ZC3H4: variants seen among roughly 807,000 people sequenced by gnomAD.
ZC3H4 encodes the protein zinc finger CCCH-type containing 4.
Under a neutral mutation model 108.3 loss-of-function variants are expected in ZC3H4, and 13 were observed. The observed-to-expected ratio is 0.12, with a 90% CI of 0.08 to 0.19. The LOEUF is 0.19. ZC3H4 is among the 10% of genes least tolerant of loss of function. The pLI, the probability that ZC3H4 is intolerant of heterozygous loss-of-function variation, is 1.00. For synonymous variants in ZC3H4, 917 were observed against 749.6 expected, an observed-to-expected ratio of 1.22 and a Z score of -3.65; for missense variants, 1,734 against 1,838.8, an observed-to-expected ratio of 0.94 and a Z score of 1.04.
Position 47,067,302 on chromosome 19 carries a change from A to G in ZC3H4, c.2966T>C (p.Ile989Thr). ...WNPEDLIPLP[I>T]PKQDAVPPVP... ...GGGGGGCACTGCGTCCTGCTTGGGG[A>G]TGGGTAGGGGGATCAGGTCCTCGGG... is the stretch of plus-strand genomic sequence containing the variant. Residue 989 changes from isoleucine (I) to threonine (T), a missense_variant, in exon 15 of 15, where the codon ATC (isoleucine) becomes ACC (threonine). Coordinates refer to ENST00000253048, the MANE Select transcript of ZC3H4 (RefSeq NM_015168.2). This position sits in a 1 kb window ranked among gnomAD's most constrained non-coding sequence, Gnocchi z 6.4. 1 of 1,590,636 alleles carries G rather than the reference A, an allele frequency of 6.3e-7. No individual in the cohort carries two copies. Among genetic ancestry groups the G allele is most frequent in the Middle Eastern group, 1.7e-4 (1 of 5,956 alleles).
intron 11 of ZC3H4, among the ~76,000 whole-genome samples, chr19:47,077,389 A>T (rs1266418976): frequency 2.6e-5 from 4 of 151,820 alleles, no homozygotes; most frequent in Non-Finnish European, 4.4e-5. Flanking sequence ...AATCACTTGA[A>T]CCCAGGAGGC....
chr19:47,073,756 T>C (rs1279302950), intron 11 of ZC3H4, among the ~76,000 whole-genome samples: 1 of 152,220 alleles, frequency 6.6e-6, no homozygotes, highest in Non-Finnish European at 1.5e-5. Flanking sequence ...GCTTTCCGTC[T>C]CTGCGGACCT....
chr19:47,097,448 C>A (rs2057840429), intron 2 of ZC3H4, among the ~76,000 whole-genome samples: 1 of 152,222 alleles, frequency 6.6e-6, no homozygotes, highest in Non-Finnish European at 1.5e-5. Context: ...AACTTCTGTC[C>A]ACAGTCACCT....
intron 2 of ZC3H4, among the ~76,000 whole-genome samples, chr19:47,108,372 G>A (rs1221321536): frequency 6.6e-6 from 1 of 152,128 alleles, no homozygotes; most frequent in Non-Finnish European, 1.5e-5. Context: ...ATTTTCACCA[G>A]AGGTATTTAC....
intron 5 of ZC3H4, among the ~76,000 whole-genome samples, chr19:47,087,437 T>TAA (rs34358015): frequency 2.8e-4 from 42 of 148,620 alleles, no homozygotes; most frequent in Middle Eastern, 3.4e-3. Context: ...TTTCTTCACT[T>TAA]AAAAAAAAAA....
chr19:47,088,546 C>CA (rs200397969), intron 5 of ZC3H4, among the ~76,000 whole-genome samples: 2,841 of 141,238 alleles, frequency 0.02, 35 homozygotes, highest in Non-Finnish European at 0.031. Context: ...AACTCTGTCT[C>CA]AAAAAAAAAA....
At chr19:47,096,740 A>C in intron 2 of ZC3H4, 1 of 921,040 alleles carries the variant, frequency 1.1e-6, no homozygotes. Context: ...GCTGAGAGGG[A>C]CATGATCACC....
intron 10 of ZC3H4, 104 bp downstream of exon 10, chr19:47,082,080 C>A: frequency 2.0e-6 from 2 of 1,005,716 alleles, no homozygotes; most frequent in Non-Finnish European, 1.6e-6. Flanking sequence ...GCTCTTGGCA[C>A]AGAGAGAAAG....
In ZC3H4 at chr19:47,067,051, C is replaced by T; in HGVS notation, c.3217G>A (p.Val1073Met). The T allele has an allele frequency of 6.2e-7, 1 of 1,607,184 alleles. No individual in the cohort carries two copies. The highest frequency in any genetic ancestry group is 8.5e-7 in the Non-Finnish European group (1 of 1,176,900). Reference sequence around the variant, plus strand: ...CGAGGGTCGGTGGGGGCCTTCCGCACCCGGGGGTCACTGGGTTTGTCGCTG... The same window carrying T: ...CGAGGGTCGGTGGGGGCCTTCCGCATCCGGGGGTCACTGGGTTTGTCGCTG... Reference protein sequence around the residue: ...GSSDKPSDPRVRKAPTDPRLQ... With the variant: ...GSSDKPSDPRMRKAPTDPRLQ... Residue 1073 changes from valine to methionine, a missense_variant, in exon 15 of 15, where the codon GTG (valine) becomes ATG (methionine). Physicochemically the swap from Val to Met is conservative, Grantham distance 21. Transcript: ENST00000253048. The surrounding 1 kb of genome is among the most constrained non-coding windows in gnomAD (Gnocchi z 6.4).
intron 9 of ZC3H4, among the ~76,000 whole-genome samples, chr19:47,083,043 TA>T (rs2057551615): frequency 6.6e-6 from 1 of 152,086 alleles, no homozygotes; most frequent in Non-Finnish European, 1.5e-5. Context: ...TCATTTGTCT[TA>T]ATTTATTTAC....
At position 47,067,848 on chromosome 19, in the gene ZC3H4, G is replaced by T; in HGVS notation, c.2420C>A (p.Ser807Ter). Residue 807 changes from serine to a stop codon, truncating the protein, a stop_gained, in exon 15 of 15, where the codon TCA (serine) becomes TAA (stop). Coordinates refer to ENST00000253048, the MANE Select transcript of ZC3H4 (RefSeq NM_015168.2). LOFTEE classifies it low-confidence loss of function (END_TRUNC). The surrounding 1 kb of genome is among the most constrained non-coding windows in gnomAD (Gnocchi z 6.4). The part of the protein sequence containing the change: ...NEEGDTGNWY[S>*]SDEDEGGSSV... Reference sequence around the variant, plus strand: ...GCTTCCACCCTCATCCTCATCACTTGAGTACCAGTTTCCGGTGTCACCTGG... The same window carrying T: ...GCTTCCACCCTCATCCTCATCACTTTAGTACCAGTTTCCGGTGTCACCTGG... 6.2e-7 allele frequency: 1 copy of T among 1,601,002 alleles called. No homozygotes were observed. Among genetic ancestry groups the T allele is most frequent in the Non-Finnish European group, 8.5e-7 (1 of 1,174,978 alleles).
intron 8 of ZC3H4, 138 bp from the exon 9 acceptor site, chr19:47,084,593 C>G: frequency 2.5e-6 from 2 of 806,388 alleles, no homozygotes; most frequent in Non-Finnish European, 4.1e-6. Flanking sequence ...CAGGCTGCAT[C>G]TAACACGGAG....
At chr19:47,089,693 G>C (rs1208618222) in intron 5 of ZC3H4, among the ~76,000 whole-genome samples, 1 of 112,516 alleles carries the variant, frequency 8.9e-6, no homozygotes, top group Non-Finnish European at 2.4e-5. Context: ...TGAAAGAGAA[G>C]CTGTTCCCTT....
chr19:47,109,136 A>T (rs2058004508), intron 2 of ZC3H4, among the ~76,000 whole-genome samples: 1 of 152,116 alleles, frequency 6.6e-6, no homozygotes, highest in South Asian at 2.1e-4. Context: ...TTTAACTAAT[A>T]CTGGTACATC....
intron 11 of ZC3H4, among the ~76,000 whole-genome samples, chr19:47,078,432 C>T (rs1600021325): frequency 6.6e-6 from 1 of 150,416 alleles, no homozygotes; most frequent in African/African-American, 2.5e-5. Flanking sequence ...TGCAGTGAGC[C>T]GAGACCACGC....
chr19:47,097,906 C>T (rs987275867), intron 2 of ZC3H4, among the ~76,000 whole-genome samples: 2 of 152,170 alleles, frequency 1.3e-5, no homozygotes, highest in Admixed American at 6.5e-5. Context: ...TGGCTGCACT[C>T]GGTCCGCTGC....
In ZC3H4 at chr19:47,087,295, C is replaced by A. The variant is rs938214027; in HGVS notation, c.716-757G>T. 6.9e-3 allele frequency among the ~76,000 whole-genome samples: 624 copies of A among 90,192 alleles called. 4 individuals carry two copies. Among genetic ancestry groups the A allele is most frequent in the Non-Finnish European group, 0.013 (445 of 33,042 alleles). 59.2% of individuals were successfully genotyped at this position (90,192 alleles called of 152,430 possible). A position where few individuals can be genotyped will look rare whatever the true frequency, so the allele number is the denominator to read the frequency against. ...CGTCTCTCACACACACACACACACA[C>A]ACAAAAAAAAACCCAAATGAGAAAG... On this transcript the variant is annotated intron_variant, in intron 5 of 14. Coordinates refer to ENST00000253048, the MANE Select transcript of ZC3H4 (RefSeq NM_015168.2).
Position 47,067,770 on chromosome 19 carries a change from G to C in ZC3H4, c.2498C>G (p.Pro833Arg). 6.2e-7 allele frequency: 1 copy of C among 1,609,078 alleles called. No homozygotes were observed. ...TLRQQTSSRP[P>R]ASVGELSSSG... ...GCTGCTCAGCTCCCCAACTGAAGCC[G>C]GGGGTCGGCTGGACGTCTGCTGCCT... Residue 833 changes from proline to arginine, a missense_variant, in exon 15 of 15, where the codon CCG becomes CGG. By Grantham distance (103) the Pro-to-Arg change is moderately radical. Coordinates refer to ENST00000253048, the MANE Select transcript of ZC3H4 (RefSeq NM_015168.2). The surrounding 1 kb of genome is among the most constrained non-coding windows in gnomAD (Gnocchi z 6.4).
chr19:47,101,491 A>T (rs752506546), intron 2 of ZC3H4, among the ~76,000 whole-genome samples: 1 of 152,082 alleles, frequency 6.6e-6, no homozygotes, highest in Admixed American at 6.5e-5. Flanking sequence ...GGCCTCCCAA[A>T]GTTCTGGGAT....
Sources: gnomAD v4.1 joint callset for allele counts (sites outside exome capture counted in the v4.1 genomes callset) on GRCh38, gnomAD v4.1.1 for gene constraint, Gnocchi (gnomAD v3.1) non-coding constraint, MANE v1.5 for transcripts, NCBI Gene and HGNC (gene_info 2026-07-23, HGNC 2026-07-21) for gene names.